The following WDR97 variants were observed in gnomAD, a reference collection of about 807,000 sequenced individuals.
The protein encoded by WDR97 is WD repeat domain 97.
Under a neutral mutation model 65.4 loss-of-function variants are expected in WDR97, and 111 were observed. The ratio of observed to expected loss-of-function variants is 1.70; its 90% confidence interval spans 1.45 to 1.99. WDR97 has a LOEUF of 1.99. Among genes scored for constraint, WDR97 ranks in the 30% most tolerant of loss-of-function variants. WDR97 has a pLI of 0.00. For synonymous variants in WDR97, 802 were observed against 397.7 expected (o/e 2.02, Z -12.10); for missense variants, 1,674 against 865.0 (o/e 1.94, Z -11.73).
Position 144,116,218 on chromosome 8 carries a change from GC to G in WDR97, c.4799del (p.Pro1600ArgfsTer76). On this transcript the variant is annotated frameshift_variant, in exon 24 of 24. Transcript: ENST00000323662. LOFTEE classifies it low-confidence loss of function (END_TRUNC). ...LDWPMPPRPLPPRLLQPALQR... is the reference protein window; with the variant it reads ...LDWPMPPRPLXPRLLQPALQR... ...ACTGGCCTATGCCCCCGCGCCCGCT[GC>G]CCCCGCGGCTCCTGCAGCCGGCCCT... is the stretch of plus-strand genomic sequence containing the variant. The G allele has an allele frequency of 4.4e-6, 3 of 684,812 alleles. No individual in the cohort carries two copies. The highest frequency in any genetic ancestry group is 8.0e-6 in the Non-Finnish European group (3 of 375,446). 42.4% of individuals were successfully genotyped at this position (684,812 alleles called of 1,614,324 possible).
rs1021572932 is a variant in WDR97, at chr8:144,114,107, A to G, written c.3539A>G (p.His1180Arg). Reference protein sequence around the residue: ...EHYGHLPKFLHFFIYQTWFKK... With the variant: ...EHYGHLPKFLRFFIYQTWFKK... ...TACGGGCATCTGCCCAAGTTTCTGCATTTCTTCATCTACCAGACCTGGTTC... is the reference window on the plus strand; with the variant it reads ...TACGGGCATCTGCCCAAGTTTCTGCGTTTCTTCATCTACCAGACCTGGTTC... The change falls in exon 18 of 24, where the codon CAT (histidine) becomes CGT (arginine). Residue 1180 changes from histidine (H) to arginine (R), a missense_variant. Coordinates refer to ENST00000323662, the MANE Select transcript of WDR97 (RefSeq NM_001316309.2). 41 of 702,712 alleles carry G rather than the reference A, an allele frequency of 5.8e-5. No homozygotes were observed. The highest frequency in any genetic ancestry group is 9.9e-5 in the Non-Finnish European group (38 of 385,000). The allele number at this position is 702,712 out of a possible 1,614,324, so 43.5% of individuals were successfully genotyped here. A position where few individuals can be genotyped will look rare whatever the true frequency, so the allele number is the denominator to read the frequency against.
chr8:144,110,164 G>A lies in WDR97; in HGVS notation c.1751G>A (p.Trp584Ter). Residue 584 changes from tryptophan (W) to a stop codon, truncating the protein, a stop_gained, in exon 6 of 24, where the codon TGG (tryptophan) becomes TAG (stop). Transcript: ENST00000323662. LOFTEE classifies it high-confidence loss of function. ...GACGGCACGCTGTCGGTGCTGGAGT[G>A]GCTCTCGTCGAAGACTGTCTTCCAA... ...HTDGTLSVLE[W>*]LSSKTVFQTE... The A allele has an allele frequency of 1.4e-6, 1 of 702,886 alleles. No homozygotes were observed. Among genetic ancestry groups the A allele is most frequent in the Non-Finnish European group, 2.6e-6 (1 of 384,944 alleles). 43.5% of individuals were successfully genotyped at this position (702,886 alleles called of 1,614,324 possible).
chr8:144,108,247 C>T, intron 2 of WDR97, 52 bp downstream of exon 2: 1 of 694,686 alleles, frequency 1.4e-6, no homozygotes, highest in East Asian at 2.7e-5. Context: ...TCTGGGCCTT[C>T]CCTTAGGGGT....
rs763197408 is a variant in WDR97 at position 144,111,950 on chromosome 8, A to T, written c.2701A>T (p.Thr901Ser). The part of the protein sequence containing the change: ...SAGTLRVERE[T>S]RDVCAVPQAA... ...CGGGACCCTCAGAGTGGAGAGAGAG[A>T]CCCGGGATGTGTGTGCTGTACCCCA... The change falls in exon 13 of 24, where the codon ACC becomes TCC. Residue 901 changes from threonine (T) to serine (S), a missense_variant. Transcript: ENST00000323662. 1.4e-6 allele frequency: 1 copy of T among 702,226 alleles called. No individual in the cohort carries two copies. The highest frequency in any genetic ancestry group is 1.5e-5 in the South Asian group (1 of 67,582). The allele number at this position is 702,226 out of a possible 1,614,324, so 43.5% of individuals were successfully genotyped here. A position where few individuals can be genotyped will look rare whatever the true frequency, so the allele number is the denominator to read the frequency against.
rs1231292593 is a variant in WDR97 at position 144,114,570 on chromosome 8, AG to A, written c.3810del (p.Lys1270AsnfsTer3). The A allele has an allele frequency of 1.4e-6, 1 of 702,744 alleles. No individual in the cohort carries two copies. The highest frequency in any genetic ancestry group is 2.6e-6 in the Non-Finnish European group (1 of 384,996). 43.5% of individuals were successfully genotyped at this position (702,744 alleles called of 1,614,324 possible). A position where few individuals can be genotyped will look rare whatever the true frequency, so the allele number is the denominator to read the frequency against. On this transcript the variant is annotated frameshift_variant, in exon 20 of 24. Transcript: ENST00000323662. LOFTEE classifies it high-confidence loss of function. ...CTGCCTCAGGACCAGACACAGAAGA[AG>A]TTCGTGATACTGGCGCTGCAGCTGC... ...PPSLQDQTQK[K>X]FVILALQLLL...
chr8:144,115,094 G>A (rs1836624209), intron 21 of WDR97, among the ~76,000 whole-genome samples, 183 bp downstream of exon 21: 1 of 152,066 alleles, frequency 6.6e-6, no homozygotes, highest in African/African-American at 2.4e-5. Flanking sequence ...GAAGTCAGCA[G>A]GGGGTGTCTG....
Position 144,116,146 on chromosome 8 carries a change from G to A in WDR97, c.4722G>A (p.Thr1574=), listed in dbSNP as rs1239228281. The A allele has an allele frequency of 1.7e-5, 12 of 697,176 alleles. 1 individual carries two copies. The highest frequency in any genetic ancestry group is 1.0e-4 in the South Asian group (7 of 67,202). 43.2% of individuals were successfully genotyped at this position (697,176 alleles called of 1,614,324 possible). ...GCACCCTGGACGGCCCCATCCGGAC[G>A]CTGAAGCTGCCGTTGCCGCGTGTGG... The part of the protein sequence containing the change: ...AGRTLDGPIR[T]LKLPLPRVEP... Residue 1574 remains threonine, a synonymous_variant, in exon 24 of 24, where the codon ACG becomes ACA. Transcript: ENST00000323662.
Position 144,111,191 on chromosome 8 carries a change from C to G in WDR97, c.2395C>G (p.Leu799Val), listed in dbSNP as rs1836541526. ...ESLTSAQLQR[L>V]TNLHGAASLS... ...ACTGACTTCCGCCCAACTGCAGAGG[C>G]TCACCAACCTCCATGGGGCAGCCAG... Residue 799 changes from leucine to valine, a missense_variant, in exon 10 of 24, where the codon CTC becomes GTC. Coordinates refer to ENST00000323662, the MANE Select transcript of WDR97 (RefSeq NM_001316309.2). The G allele has an allele frequency of 2.8e-6, 2 of 702,622 alleles. No individual in the cohort carries two copies. The highest frequency in any genetic ancestry group is 5.2e-6 in the Non-Finnish European group (2 of 385,008). 43.5% of individuals were successfully genotyped at this position (702,622 alleles called of 1,614,324 possible).
rs754880737 is a variant in WDR97 at position 144,108,963 on chromosome 8, G to A, written c.878+19G>A. On this transcript the variant is annotated intron_variant, in intron 3 of 23. Coordinates refer to ENST00000323662, the MANE Select transcript of WDR97 (RefSeq NM_001316309.2). ...ACAAAACGTGAGGGGGATCCCCCTA[G>A]GGAGGGCCAGGCATGTAGGGGCACA... 12 of 702,870 alleles carry A rather than the reference G, an allele frequency of 1.7e-5. 1 individual carries two copies. The South Asian group carries it at 1.8e-4, about 10-fold the overall frequency. The allele number at this position is 702,870 out of a possible 1,614,324, so 43.5% of individuals were successfully genotyped here. A position where few individuals can be genotyped will look rare whatever the true frequency, so the allele number is the denominator to read the frequency against.
At position 144,108,342 on chromosome 8, in the gene WDR97, G is replaced by T. The variant is rs1232689600; in HGVS notation, c.276G>T (p.Ala92=). 1 of 694,578 alleles carries T rather than the reference G, an allele frequency of 1.4e-6. No individual in the cohort carries two copies. The allele number at this position is 694,578 out of a possible 1,614,324, so 43.0% of individuals were successfully genotyped here. A position where few individuals can be genotyped will look rare whatever the true frequency, so the allele number is the denominator to read the frequency against. Residue 92 remains alanine, a synonymous_variant, in exon 3 of 24, where the codon GCG becomes GCT. Coordinates refer to ENST00000323662, the MANE Select transcript of WDR97 (RefSeq NM_001316309.2). ...AGAAGAGAGCCGAGCTGCGCGCGGC[G>T]CGCCTGACGCATGGGCTGGAACCAC... is the stretch of plus-strand genomic sequence containing the variant. ...EKEKRAELRA[A]RLTHGLEPLR...
chr8:144,109,729 A>G lies in WDR97; in HGVS notation c.1395A>G (p.Ile465Met), dbSNP rs1181686102. The G allele has an allele frequency of 1.5e-6, 1 of 681,392 alleles. No homozygotes were observed. The highest frequency in any genetic ancestry group is 2.8e-5 in the East Asian group (1 of 35,180). The allele number at this position is 681,392 out of a possible 1,614,324, so 42.2% of individuals were successfully genotyped here. Residue 465 changes from isoleucine (I) to methionine (M), a missense_variant, in exon 5 of 24, where the codon ATA becomes ATG. Ile to Met is a conservative substitution (Grantham distance 10). Transcript: ENST00000323662. ...VYLLSAATGR[I>M]VSSLLLEPED... ...TCCTGTCGGCGGCCACCGGGCGCAT[A>G]GTGAGCTCACTGCTGCTGGAGCCGG...
At position 144,110,565 on chromosome 8, in the gene WDR97, GACC is replaced by G. The variant is rs1380557994; in HGVS notation, c.2071_2073del (p.His691del). On this transcript the variant is annotated inframe_deletion, in exon 7 of 24. Transcript: ENST00000323662. ...CCACCGGCCCCAGGACGACCCCACG[GACC>G]ACATCACTGGTGAGGGGGCAGCATG... The G allele has an allele frequency of 2.4e-5, 17 of 702,718 alleles. No individual in the cohort carries two copies. The highest frequency in any genetic ancestry group is 4.4e-5 in the Non-Finnish European group (17 of 384,948). 43.5% of individuals were successfully genotyped at this position (702,718 alleles called of 1,614,324 possible).
chr8:144,111,422 G>A lies in WDR97; in HGVS notation c.2427-4G>A. 2.8e-6 allele frequency: 2 copies of A among 702,820 alleles called. No homozygotes were observed. The highest frequency in any genetic ancestry group is 1.5e-5 in the South Asian group (1 of 67,606). The allele number at this position is 702,820 out of a possible 1,614,324, so 43.5% of individuals were successfully genotyped here. A position where few individuals can be genotyped will look rare whatever the true frequency, so the allele number is the denominator to read the frequency against. ...ATCCCACCTGTGCCTGTCCCTGTTT[G>A]CAGCGAGGCCTTGTCTCTCATCCAT... is the stretch of plus-strand genomic sequence containing the variant. On this transcript the variant is annotated splice_region_variant and splice_polypyrimidine_tract_variant and intron_variant, in intron 10 of 23. Transcript: ENST00000323662.
Position 144,116,575 on chromosome 8 carries a change from G to A in WDR97, c.*282G>A, listed in dbSNP as rs1836672578. 3 of 374,136 alleles carry A rather than the reference G, an allele frequency of 8.0e-6. No homozygotes were observed. Among genetic ancestry groups the A allele is most frequent in the Non-Finnish European group, 1.4e-5 (3 of 209,338 alleles). 23.2% of individuals were successfully genotyped at this position (374,136 alleles called of 1,614,324 possible). On this transcript the variant is annotated 3_prime_UTR_variant, in exon 24 of 24. Coordinates refer to ENST00000323662, the MANE Select transcript of WDR97 (RefSeq NM_001316309.2). ...GACCCATAGCGGGGTACCATCCGCT[G>A]GGCACTGAGCAAACGTTTTCTGCTC...
In WDR97 at chr8:144,113,649, C is replaced by T. The variant is rs1564322589; in HGVS notation, c.3184-8C>T. 2 of 653,492 alleles carry T rather than the reference C, an allele frequency of 3.1e-6. No homozygotes were observed. Among genetic ancestry groups the T allele is most frequent in the Non-Finnish European group, 2.8e-6 (1 of 356,830 alleles). The allele number at this position is 653,492 out of a possible 1,614,324, so 40.5% of individuals were successfully genotyped here. A position where few individuals can be genotyped will look rare whatever the true frequency, so the allele number is the denominator to read the frequency against. ...ACCCATCAGGCACCATCTCTTGCCC[C>T]TCTGCAGCCAGGGGCAAGCCAGGAT... On this transcript the variant is annotated splice_region_variant and splice_polypyrimidine_tract_variant and intron_variant, in intron 16 of 23. Transcript: ENST00000323662.
Position 144,115,425 on chromosome 8 carries a change from G to T in WDR97, c.4162G>T (p.Gly1388Cys). Residue 1388 changes from glycine to cysteine, a missense_variant, in exon 22 of 24, where the codon GGC becomes TGC. By Grantham distance (159) the Gly-to-Cys change is radical (BLOSUM62 -3). Transcript: ENST00000323662. The part of the protein sequence containing the change: ...IPSGTSWSAS[G>C]IFGRLSQVSE... ...CTCGGGCACCTCCTGGTCGGCCTCCGGCATCTTCGGGAGGCTCTCGCAGGT... is the reference window on the plus strand; with the variant it reads ...CTCGGGCACCTCCTGGTCGGCCTCCTGCATCTTCGGGAGGCTCTCGCAGGT... The T allele has an allele frequency of 2.9e-6, 2 of 681,466 alleles. No individual in the cohort carries two copies. Among genetic ancestry groups the T allele is most frequent in the Non-Finnish European group, 5.4e-6 (2 of 371,416 alleles). 42.2% of individuals were successfully genotyped at this position (681,466 alleles called of 1,614,324 possible). A position where few individuals can be genotyped will look rare whatever the true frequency, so the allele number is the denominator to read the frequency against.
Position 144,115,729 on chromosome 8 carries a change from T to A in WDR97, c.4466T>A (p.Phe1489Tyr), listed in dbSNP as rs546741178. The stretch of plus-strand genomic sequence containing the variant: ...TTGGGCCCCATCGACGCGCTCAACT[T>A]CTTCTGTGAGCAGCTGCGGGCGCAG... ...LDLGPIDALNFFCEQLRAQQR... is the reference protein window; with the variant it reads ...LDLGPIDALNYFCEQLRAQQR... Residue 1489 changes from phenylalanine (F) to tyrosine (Y), a missense_variant, in exon 22 of 24, where the codon TTC becomes TAC. By Grantham distance (22) the Phe-to-Tyr change is conservative (BLOSUM62 3). Coordinates refer to ENST00000323662, the MANE Select transcript of WDR97 (RefSeq NM_001316309.2). 178 of 701,136 alleles carry A rather than the reference T, an allele frequency of 2.5e-4. No homozygotes were observed. The African/African-American group carries it at 2.9e-3, about 11-fold the overall frequency. 43.4% of individuals were successfully genotyped at this position (701,136 alleles called of 1,614,324 possible). A position where few individuals can be genotyped will look rare whatever the true frequency, so the allele number is the denominator to read the frequency against.
chr8:144,111,587 G>C, intron 11 of WDR97, 45 bp from the exon 12 acceptor site: 1 of 680,630 alleles, frequency 1.5e-6, no homozygotes, highest in East Asian at 2.7e-5. Flanking sequence ...GCAGCACATA[G>C]CAAGGCTCAA....
intron 21 of WDR97, 131 bp from the exon 22 acceptor site, chr8:144,115,210 C>G (rs1256247533): frequency 8.9e-6 from 5 of 563,992 alleles, no homozygotes; most frequent in South Asian, 2.4e-5. Flanking sequence ...TGTGGATGCT[C>G]GAGGAGCCAG....
Sources: gnomAD v4.1 joint callset for allele counts (sites outside exome capture counted in the v4.1 genomes callset) on GRCh38, gnomAD v4.1.1 for gene constraint, MANE v1.5 for transcripts, NCBI Gene and HGNC (gene_info 2026-07-23, HGNC 2026-07-21) for gene names.